The following MAML3 variants were observed in gnomAD, a reference collection of about 807,000 sequenced individuals.
MAML3 encodes mastermind-like protein 3.
In MAML3, 27 loss-of-function variants were observed where a neutral mutation model predicts 101.9. The ratio of observed to expected loss-of-function variants is 0.27; its 90% CI spans 0.20 to 0.37. The LOEUF (loss-of-function observed/expected upper bound fraction) is 0.37. Among genes scored for constraint, MAML3 ranks in the 10% least tolerant of loss-of-function variants. The pLI is 1.00. For synonymous variants in MAML3, 501 were observed against 555.9 expected (o/e 0.90, Z 1.39); for missense variants, 1,316 against 1,444.9 (o/e 0.91, Z 1.45).
chr4:139,890,916 C>T lies in MAML3; in HGVS notation c.520G>A (p.Gly174Arg). 7 of 1,613,558 alleles carry T rather than the reference C, an allele frequency of 4.3e-6. No individual in the cohort carries two copies. In the South Asian group the frequency reaches 6.6e-5, roughly 15 times the overall value. Residue 174 changes from glycine to arginine, a missense_variant, in exon 2 of 5, where the codon GGA becomes AGA. Physicochemically the swap from Gly to Arg is moderately radical, Grantham distance 125. Coordinates refer to ENST00000509479, the MANE Select transcript of MAML3 (RefSeq NM_018717.5). This position sits in a 1 kb window ranked among gnomAD's most constrained non-coding sequence, Gnocchi z 4.1. ...KLEGARSPLN[G>R]DQQNGACDGN... is the part of the protein sequence containing the mutation. Reference sequence around the variant, plus strand: ...TCACAAGCACCATTCTGCTGGTCTCCATTAAGTGGTGATCGAGCTCCTTCC... The same window carrying T: ...TCACAAGCACCATTCTGCTGGTCTCTATTAAGTGGTGATCGAGCTCCTTCC...
chr4:140,085,195 T>G (rs2110973795), intron 1 of MAML3, among the ~76,000 whole-genome samples: 1 of 152,318 alleles, frequency 6.6e-6, no homozygotes, highest in Middle Eastern at 3.4e-3. Context: ...TGTTGTCTCA[T>G]CTGTTTTTGT....
chr4:140,026,608 C>A (rs913135675), intron 1 of MAML3, among the ~76,000 whole-genome samples: 1 of 152,102 alleles, frequency 6.6e-6, no homozygotes, highest in African/African-American at 2.4e-5. Flanking sequence ...AAACATTGAA[C>A]AAATTAGTTG....
intron 1 of MAML3, among the ~76,000 whole-genome samples, chr4:140,006,430 A>G (rs1360797863): frequency 6.6e-6 from 1 of 152,062 alleles, no homozygotes; most frequent in African/African-American, 2.4e-5. Flanking sequence ...TACTAAAAAT[A>G]CAAAAATTAG....
At chr4:139,730,375 T>C (rs1455496942) in intron 3 of MAML3, 41 bp downstream of exon 3, 1 of 1,531,018 alleles carries the variant, frequency 6.5e-7, no homozygotes, top group Non-Finnish European at 8.8e-7. Flanking sequence ...GAATAAGTGC[T>C]TGCTGAATGA....
At chr4:139,894,511 A>AAAAGATAG (rs1553962891) in intron 1 of MAML3, among the ~76,000 whole-genome samples, 2 of 136,388 alleles carry the variant, frequency 1.5e-5, no homozygotes, top group African/African-American at 2.8e-5. Flanking sequence ...TCCATCTTAA[A>AAAAGATAG]AAAGAAAGAA....
At chr4:139,981,531 T>C (rs1734444350) in intron 1 of MAML3, among the ~76,000 whole-genome samples, 1 of 152,208 alleles carries the variant, frequency 6.6e-6, no homozygotes, top group Non-Finnish European at 1.5e-5. Flanking sequence ...ATTAGCATGG[T>C]ACATTTGTCA....
intron 1 of MAML3, among the ~76,000 whole-genome samples, chr4:139,976,962 T>A (rs1734351123): frequency 6.6e-6 from 1 of 150,798 alleles, no homozygotes; most frequent in African/African-American, 2.5e-5. Context: ...CCAAAATTCA[T>A]ATGTTAAAAC....
At chr4:139,991,357 A>G (rs1361556220) in intron 1 of MAML3, among the ~76,000 whole-genome samples, 1 of 152,222 alleles carries the variant, frequency 6.6e-6, no homozygotes, top group African/African-American at 2.4e-5. Flanking sequence ...ATATGTAGAA[A>G]GCTGAAACTG....
chr4:139,811,992 G>GTATA (rs1177705602), intron 2 of MAML3, among the ~76,000 whole-genome samples: 1 of 152,188 alleles, frequency 6.6e-6, no homozygotes, highest in Non-Finnish European at 1.5e-5. Flanking sequence ...GCCAGGCATG[G>GTATA]TGGCTCACAC....
intron 1 of MAML3, among the ~76,000 whole-genome samples, chr4:139,906,922 A>C (rs1474771796): frequency 1.3e-5 from 2 of 152,040 alleles, no homozygotes; most frequent in Non-Finnish European, 2.9e-5. Context: ...ATATTTTTGA[A>C]GTCATGTGAA....
At chr4:139,804,848 T>C (rs72730236) in intron 2 of MAML3, among the ~76,000 whole-genome samples, 9,070 of 152,246 alleles carry the variant, frequency 0.06, 415 homozygotes, top group Non-Finnish European at 0.083. Context: ...ATAGTGTGTC[T>C]AGAACAGTGC....
chr4:139,784,378 C>T (rs1005363456), intron 2 of MAML3, among the ~76,000 whole-genome samples: 2 of 152,194 alleles, frequency 1.3e-5, no homozygotes, highest in Admixed American at 1.3e-4. Flanking sequence ...GCGATCCTGG[C>T]GAGGCACGGG....
chr4:139,794,532 T>G (rs1251925221), intron 2 of MAML3: 2 of 152,258 alleles, frequency 1.3e-5, no homozygotes, highest in African/African-American at 2.4e-5. Context: ...AGCACACTGT[T>G]ATTCCTAACT....
At chr4:140,081,763 G>A (rs936340235) in intron 1 of MAML3, among the ~76,000 whole-genome samples, 4 of 152,200 alleles carry the variant, frequency 2.6e-5, no homozygotes, top group African/African-American at 9.7e-5. Context: ...ACCAGAGGAT[G>A]TGAACCGTCT....
chr4:140,069,318 T>G, intron 1 of MAML3, among the ~76,000 whole-genome samples: 1 of 138,308 alleles, frequency 7.2e-6, no homozygotes. Context: ...CAAGACTCTG[T>G]CCAAGAAGAA....
chr4:139,967,469 GACAC>G (rs4057112), intron 1 of MAML3, among the ~76,000 whole-genome samples: 37,272 of 141,228 alleles, frequency 0.26, 5,182 homozygotes, highest in Middle Eastern at 0.38. Context: ...CTTTTTAAGG[GACAC>G]ACACACACAC....
In MAML3 at chr4:139,719,436, C is replaced by T. The variant is rs1473932697; in HGVS notation, c.3304G>A (p.Gly1102Arg). 2 of 1,614,020 alleles carry T rather than the reference C, an allele frequency of 1.2e-6. No individual in the cohort carries two copies. Among genetic ancestry groups the T allele is most frequent in the Admixed American group, 1.7e-5 (1 of 60,026 alleles). The change falls in exon 5 of 5, where the codon GGG becomes AGG. Residue 1102 changes from glycine to arginine, a missense_variant. Coordinates refer to ENST00000509479, the MANE Select transcript of MAML3 (RefSeq NM_018717.5). ...VSYNYSGDGA[G>R]GSFPGLPDGA... is the part of the protein sequence containing the mutation. ...TCCGGGAGGCCAGGGAAGGAACCCC[C>T]AGCTCCGTCGCCACTGTAATTGTAT...
intron 2 of MAML3, among the ~76,000 whole-genome samples, chr4:139,887,692 T>C (rs1732370638): frequency 6.6e-6 from 1 of 152,224 alleles, no homozygotes; most frequent in Non-Finnish European, 1.5e-5. Flanking sequence ...TCATCTTTGG[T>C]CTGGCTTGAA....
At chr4:139,763,418 G>A in intron 2 of MAML3, among the ~76,000 whole-genome samples, 1 of 152,200 alleles carries the variant, frequency 6.6e-6, no homozygotes, top group East Asian at 1.9e-4. Context: ...TAAGCAACGA[G>A]AAGTACGGAG....
Sources: gnomAD v4.1 joint callset for allele counts (sites outside exome capture counted in the v4.1 genomes callset) on GRCh38, gnomAD v4.1.1 for gene constraint, Gnocchi (gnomAD v3.1) non-coding constraint, MANE v1.5 for transcripts, NCBI Gene and HGNC (gene_info 2026-07-23, HGNC 2026-07-21) for gene names.